MYO16: variants seen among roughly 807,000 people sequenced by gnomAD.
The protein encoded by MYO16 is myosin XVI, also known as unconventional myosin-XVI.
Under a neutral mutation model 205.3 loss-of-function variants are expected in MYO16, and 94 were observed. The ratio of observed to expected loss-of-function variants is 0.46; its 90% CI spans 0.39 to 0.54. The LOEUF (loss-of-function observed/expected upper bound fraction) is 0.54. Ranked by LOEUF, MYO16 falls within the 20% of genes least tolerant of loss-of-function variation. The pLI, the probability that MYO16 is intolerant of heterozygous loss-of-function variation, is 0.00. For missense variants in MYO16, 2,315 were observed against 2,387.5 expected (o/e 0.97, Z 0.63); for synonymous variants, 988 against 954.0 (o/e 1.04, Z -0.66).
chr13:108,726,299 G>A (rs1399548026), intron 3 of MYO16, among the ~76,000 whole-genome samples: 2 of 151,980 alleles, frequency 1.3e-5, no homozygotes, highest in Non-Finnish European at 2.9e-5. Flanking sequence ...GGTGGTTCTC[G>A]CCTGTAATCC....
chr13:109,191,083 G>A (rs892641732), intron 34 of MYO16, among the ~76,000 whole-genome samples: 3 of 152,020 alleles, frequency 2.0e-5, no homozygotes, highest in Non-Finnish European at 4.4e-5. Context: ...GCCGGGCATC[G>A]TGGCAGGCGC....
At chr13:108,853,898 TA>T (rs967340726) in intron 10 of MYO16, among the ~76,000 whole-genome samples, 1 of 151,688 alleles carries the variant, frequency 6.6e-6, no homozygotes, top group Admixed American at 6.6e-5. Flanking sequence ...CTAGAGTTCA[TA>T]AAAAAAATGT....
At chr13:108,964,964 A>C (rs1162778363) in intron 20 of MYO16, 62 bp downstream of exon 20, 5 of 1,544,454 alleles carry the variant, frequency 3.2e-6, no homozygotes, top group East Asian at 4.5e-5. Flanking sequence ...TAAAGGCTCA[A>C]CTCCAAAAGC....
chr13:108,954,376 A>G (rs1422735068), intron 16 of MYO16, among the ~76,000 whole-genome samples: 1 of 152,210 alleles, frequency 6.6e-6, no homozygotes, highest in African/African-American at 2.4e-5. Context: ...AGAGAATGTC[A>G]GGAAGATGCA....
intron 2 of MYO16, among the ~76,000 whole-genome samples, chr13:108,672,757 G>T (rs1366251812): frequency 6.6e-6 from 1 of 152,122 alleles, no homozygotes; most frequent in Non-Finnish European, 1.5e-5. Context: ...TGAAAGAAAA[G>T]GGAAGTCTGA....
chr13:108,562,926 T>C, the MYO16 span, among the ~76,000 whole-genome samples: 1 of 152,160 alleles, frequency 6.6e-6, no homozygotes, highest in Non-Finnish European at 1.5e-5. Context: ...TCCATATGTA[T>C]ACATATGTAT....
In MYO16 at chr13:108,833,095, TAAAC is replaced by T. The variant is rs995946590; in HGVS notation, c.1097+9820_1097+9823del. 6.6e-5 allele frequency among the ~76,000 whole-genome samples: 10 copies of T among 152,252 alleles called. 1 individual carries two copies. The South Asian group carries it at 1.9e-3, about 28-fold the overall frequency. On this transcript the variant is annotated intron_variant, in intron 9 of 34. Transcript: ENST00000457511. ...TATACTTAATTTCCAGATTTTCCCT[TAAAC>T]AAGCTATTAAAAATTTTTTTGCATA...
chr13:109,051,577 A>T (rs1887248032), intron 24 of MYO16, among the ~76,000 whole-genome samples: 1 of 151,946 alleles, frequency 6.6e-6, no homozygotes, highest in African/African-American at 2.4e-5. Context: ...CGCCACATAC[A>T]TTGTTTTCCC....
At position 109,207,142 on chromosome 13, in the gene MYO16, G is replaced by A. The variant is rs554771383; in HGVS notation, c.*306G>A. Reference sequence around the variant, plus strand: ...GGAAAAGTGTGGACGTGGCCAGAGCGAGAGAGTAGCGGAGGAAAGGAGCAA... The same window carrying A: ...GGAAAAGTGTGGACGTGGCCAGAGCAAGAGAGTAGCGGAGGAAAGGAGCAA... On this transcript the variant is annotated 3_prime_UTR_variant, in exon 35 of 35. Coordinates refer to ENST00000457511, the MANE Select transcript of MYO16 (RefSeq NM_001198950.3). The A allele has an allele frequency of 4.0e-5, 14 of 347,786 alleles. No individual in the cohort carries two copies. Among genetic ancestry groups the A allele is most frequent in the East Asian group, 1.8e-4 (3 of 16,686 alleles). 21.5% of individuals were successfully genotyped at this position (347,786 alleles called of 1,614,324 possible).
In MYO16 at chr13:108,790,785, C is replaced by T. The variant is rs145908235; in HGVS notation, c.617-2731C>T. Among the ~76,000 whole-genome samples the T allele has an allele frequency of 6.3e-3, 953 of 152,012 alleles. 30 individuals are homozygous for T. The highest frequency in any genetic ancestry group is 1.6e-3 in the Non-Finnish European group (110 of 67,974). ...ATTAGGATACAATGTAATAATATTC[C>T]CCTGTGATGTCTTCACAACAGGGAC... is the stretch of plus-strand genomic sequence containing the variant. On this transcript the variant is annotated intron_variant, in intron 5 of 34. Coordinates refer to ENST00000457511, the MANE Select transcript of MYO16 (RefSeq NM_001198950.3).
intron 28 of MYO16, among the ~76,000 whole-genome samples, chr13:109,107,082 G>A (rs141955509): frequency 1.3e-5 from 2 of 152,224 alleles, no homozygotes; most frequent in Non-Finnish European, 2.9e-5. Flanking sequence ...CCCAAGTACC[G>A]GCATGATACG....
At chr13:108,635,746 C>T (rs1461118973) in intron 1 of MYO16, among the ~76,000 whole-genome samples, 3 of 152,170 alleles carry the variant, frequency 2.0e-5, no homozygotes, top group Non-Finnish European at 2.9e-5. Flanking sequence ...GGGATCCACC[C>T]GCCTCAGCCT....
At chr13:108,558,860 A>C in the MYO16 span, among the ~76,000 whole-genome samples, 1 of 152,052 alleles carries the variant, frequency 6.6e-6, no homozygotes, top group Non-Finnish European at 1.5e-5. Context: ...TATTATTTTC[A>C]TTTCAAAATT....
At chr13:108,592,579 G>A (rs1204574218), upstream of MYO16, among the ~76,000 whole-genome samples, 1 of 148,712 alleles carries the variant, frequency 6.7e-6, no homozygotes, top group Non-Finnish European at 1.5e-5. Flanking sequence ...TGGAGGCTGT[G>A]GAGTGGAGTG....
chr13:108,738,325 G>A (rs1008977696), intron 4 of MYO16, among the ~76,000 whole-genome samples: 6 of 152,130 alleles, frequency 3.9e-5, no homozygotes, highest in African/African-American at 1.4e-4. Flanking sequence ...AGAGATTCTG[G>A]TATACTGTGT....
In MYO16 at chr13:108,667,814, G is replaced by A. The variant is rs117064663; in HGVS notation, c.292+1665G>A. Among the ~76,000 whole-genome samples the A allele has an allele frequency of 9.1e-3, 1,390 of 152,274 alleles. 11 individuals carry two copies. Among genetic ancestry groups the A allele is most frequent in the Non-Finnish European group, 0.015 (999 of 68,022 alleles). On this transcript the variant is annotated intron_variant, in intron 2 of 34. Transcript: ENST00000457511. ...TAATCCCAACACTTTGGGAGGCATA[G>A]GTGGAAGACTCTCCTGAGGCCAGGA...
chr13:109,081,099 T>C (rs1888268231), intron 27 of MYO16, among the ~76,000 whole-genome samples: 1 of 152,184 alleles, frequency 6.6e-6, no homozygotes, highest in Non-Finnish European at 1.5e-5. Context: ...TACATAGACA[T>C]ATATATGTGA....
chr13:108,601,257 A>G (rs1418727460), intron 1 of MYO16, among the ~76,000 whole-genome samples: 1 of 152,142 alleles, frequency 6.6e-6, no homozygotes, highest in Admixed American at 6.6e-5. Flanking sequence ...GAGAAAGTGG[A>G]AAATTAGAGA....
chr13:108,739,601 C>A (rs535055709), intron 4 of MYO16, among the ~76,000 whole-genome samples: 2 of 152,168 alleles, frequency 1.3e-5, no homozygotes, highest in Admixed American at 6.5e-5. Flanking sequence ...GGTGAATCTG[C>A]CAATTATGTG....
Sources: gnomAD v4.1 joint callset for allele counts (sites outside exome capture counted in the v4.1 genomes callset) on GRCh38, gnomAD v4.1.1 for gene constraint, MANE v1.5 for transcripts, NCBI Gene and HGNC (gene_info 2026-07-23, HGNC 2026-07-21) for gene names.